CTNNA2: variants seen among roughly 807,000 people sequenced by gnomAD.
CTNNA2 encodes catenin alpha 2.
A neutral mutation model predicts 101.0 loss-of-function variants in CTNNA2; 42 were observed. That is an observed-to-expected ratio of 0.42 (90% CI 0.32 to 0.54). The LOEUF is 0.54. Among genes scored for constraint, CTNNA2 ranks in the 20% least tolerant of loss-of-function variants. CTNNA2 has a pLI of 0.14. For missense variants in CTNNA2, 871 were observed against 1,223.1 expected (o/e 0.71, Z 4.29); for synonymous variants, 450 against 456.4 (o/e 0.99, Z 0.18).
At chr2:80,149,226 A>G (rs954723862) in intron 7 of CTNNA2, among the ~76,000 whole-genome samples, 2 of 152,026 alleles carry the variant, frequency 1.3e-5, no homozygotes, top group Admixed American at 1.3e-4. Context: ...TTGTAGAGAC[A>G]GGGTCTTTTA....
intron 7 of CTNNA2, among the ~76,000 whole-genome samples, chr2:79,925,144 TC>T (rs2104396111): frequency 6.6e-6 from 1 of 152,176 alleles, no homozygotes; most frequent in East Asian, 1.9e-4. Context: ...AATGGATTAT[TC>T]CCATTTATTT....
intron 1 of CTNNA2, among the ~76,000 whole-genome samples, chr2:79,558,235 A>C (rs2104107907): frequency 6.6e-6 from 1 of 152,058 alleles, no homozygotes. Context: ...ATATCTTTTT[A>C]CAGATTGATT....
intron 3 of CTNNA2, among the ~76,000 whole-genome samples, chr2:79,806,205 A>G (rs1676560738): frequency 7.4e-6 from 1 of 135,772 alleles, no homozygotes; most frequent in South Asian, 2.6e-4. Flanking sequence ...CATTAGGGCT[A>G]TGCACCCATT....
chr2:79,746,576 T>G (rs1671663234), intron 3 of CTNNA2, among the ~76,000 whole-genome samples: 1 of 152,212 alleles, frequency 6.6e-6, no homozygotes, highest in South Asian at 2.1e-4. Context: ...TTACTTCCCT[T>G]TCCTTCCAAA....
At chr2:80,349,205 A>G (rs1365902364) in intron 7 of CTNNA2, among the ~76,000 whole-genome samples, 5 of 152,112 alleles carry the variant, frequency 3.3e-5, no homozygotes, top group Non-Finnish European at 2.9e-5. Context: ...AGAGTCTTTC[A>G]TCTGGTTGTT....
At chr2:79,727,240 T>A (rs1686902871) in intron 2 of CTNNA2, among the ~76,000 whole-genome samples, 1 of 152,176 alleles carries the variant, frequency 6.6e-6, no homozygotes, top group Admixed American at 6.5e-5. Context: ...TACAAATATA[T>A]TCAGATTGAA....
Position 79,813,962 on chromosome 2 carries a change from T to C in CTNNA2, c.299-44051T>C, listed in dbSNP as rs182244132. Among the ~76,000 whole-genome samples the C allele has an allele frequency of 1.3e-3, 198 of 152,272 alleles. 1 individual carries two copies. The highest frequency in any genetic ancestry group is 4.5e-3 in the African/African-American group (187 of 41,570). On this transcript the variant is annotated intron_variant, in intron 3 of 18. Transcript: ENST00000402739. ...GGGAGGATTCTTTCTTGACTTTTCT[T>C]GGCTCCTTGTGGTGGCTGTCAATCC... is the stretch of plus-strand genomic sequence containing the variant.
At chr2:79,683,698 A>G (rs537115457) in intron 2 of CTNNA2, among the ~76,000 whole-genome samples, 6 of 151,900 alleles carry the variant, frequency 3.9e-5, no homozygotes, top group African/African-American at 7.2e-5. Context: ...GTCATTGTCA[A>G]TTTTTTGAAG....
chr2:80,204,137 C>T (rs1310266704), intron 7 of CTNNA2, among the ~76,000 whole-genome samples: 5 of 152,194 alleles, frequency 3.3e-5, no homozygotes, highest in African/African-American at 7.2e-5. Flanking sequence ...AACCTCTGGG[C>T]CTGTGATGGG....
intron 7 of CTNNA2, among the ~76,000 whole-genome samples, chr2:80,089,027 C>T (rs1699617297): frequency 6.6e-6 from 1 of 151,908 alleles, no homozygotes; most frequent in African/African-American, 2.4e-5. Flanking sequence ...CAGTGTTTCC[C>T]ATCCTGATTA....
At chr2:79,197,050 C>T (rs1480371770) in intron 1 of CTNNA2, among the ~76,000 whole-genome samples, 1 of 152,098 alleles carries the variant, frequency 6.6e-6, no homozygotes, top group Non-Finnish European at 1.5e-5. Flanking sequence ...TGATACCAGC[C>T]CTTAGGAAAA....
chr2:80,306,424 C>CT (rs1039707399), intron 7 of CTNNA2, among the ~76,000 whole-genome samples: 1 of 141,674 alleles, frequency 7.1e-6, no homozygotes, highest in Non-Finnish European at 1.5e-5. Flanking sequence ...TTCTTTCTTT[C>CT]TTTCTTTCTT....
intron 7 of CTNNA2, among the ~76,000 whole-genome samples, chr2:79,930,003 A>G (rs932593613): frequency 6.6e-6 from 1 of 152,008 alleles, no homozygotes; most frequent in Non-Finnish European, 1.5e-5. Context: ...TTGAGAGGCT[A>G]AGGTGGACAG....
intron 4 of CTNNA2, among the ~76,000 whole-genome samples, chr2:79,391,993 A>C (rs1277157613): frequency 6.6e-6 from 1 of 151,982 alleles, no homozygotes; most frequent in African/African-American, 2.4e-5. Context: ...GTGTGTCCAG[A>C]TTTCTTCCTC....
At chr2:80,577,471 G>A (rs1695154474) in intron 13 of CTNNA2, among the ~76,000 whole-genome samples, 1 of 152,094 alleles carries the variant, frequency 6.6e-6, no homozygotes, top group Non-Finnish European at 1.5e-5. Context: ...AGAGACCTAA[G>A]GACCTTATTG....
intron 3 of CTNNA2, among the ~76,000 whole-genome samples, chr2:79,324,618 G>A (rs1219231098): frequency 6.6e-6 from 1 of 152,118 alleles, no homozygotes; most frequent in Non-Finnish European, 1.5e-5. Context: ...ATTAGCCTCT[G>A]GATAAGCTTC....
At chr2:79,650,714 C>A (rs1681178010) in intron 1 of CTNNA2, among the ~76,000 whole-genome samples, 1 of 151,180 alleles carries the variant, frequency 6.6e-6, no homozygotes, top group African/African-American at 2.4e-5. Context: ...TATACATGTG[C>A]CACGCTGGTG....
chr2:79,986,303 A>G (rs1432266866), intron 7 of CTNNA2, among the ~76,000 whole-genome samples: 3 of 152,060 alleles, frequency 2.0e-5, no homozygotes, highest in Non-Finnish European at 4.4e-5. Context: ...ATCCCCAAGG[A>G]TGTTCTTTGA....
At chr2:80,346,507 C>G (rs1003324616) in intron 7 of CTNNA2, among the ~76,000 whole-genome samples, 2 of 152,196 alleles carry the variant, frequency 1.3e-5, no homozygotes, top group Admixed American at 1.3e-4. Flanking sequence ...ACCAGGTCCA[C>G]CCTCCAACAT....
Sources: gnomAD v4.1 joint callset for allele counts (sites outside exome capture counted in the v4.1 genomes callset) on GRCh38, gnomAD v4.1.1 for gene constraint, MANE v1.5 for transcripts, NCBI Gene and HGNC (gene_info 2026-07-23, HGNC 2026-07-21) for gene names.